Variants in TEAD1 observed in about 807,000 individuals in gnomAD.
TEAD1 encodes transcriptional enhancer factor TEF-1.
In TEAD1, 9 loss-of-function variants were observed where a neutral mutation model predicts 54.9. That is an observed-to-expected ratio of 0.16 (90% CI 0.10 to 0.29). The LOEUF (loss-of-function observed/expected upper bound fraction) is 0.29. TEAD1 is among the 10% of genes least tolerant of loss of function. The pLI is 1.00. For synonymous variants in TEAD1, 200 were observed against 187.8 expected, an observed-to-expected ratio of 1.07 and a Z score of -0.53; for missense variants, 387 against 535.9, an observed-to-expected ratio of 0.72 and a Z score of 2.74.
chr11:12,805,957 G>A (rs957537113), intron 3 of TEAD1, among the ~76,000 whole-genome samples: 1 of 152,136 alleles, frequency 6.6e-6, no homozygotes, highest in Non-Finnish European at 1.5e-5. Flanking sequence ...GTTTATCGGT[G>A]TTGGGGGTCT....
chr11:12,830,551 C>T (rs1241162572), intron 3 of TEAD1, among the ~76,000 whole-genome samples: 1 of 152,092 alleles, frequency 6.6e-6, no homozygotes, highest in Non-Finnish European at 1.5e-5. Context: ...CTGCAGCCTC[C>T]CCACACGACA....
rs181877465 is a variant in TEAD1, at chr11:12,931,812, C to A, written c.1167+1486C>A. Among the ~76,000 whole-genome samples the A allele has an allele frequency of 2.6e-5, 4 of 152,160 alleles. No individual in the cohort carries two copies. In the East Asian group the frequency reaches 5.8e-4, roughly 22 times the overall value. ...ATAAGTAACATTTAAAAATAAAAAC[C>A]CTGTGCATATTAGATTCATCCAGGA... On this transcript the variant is annotated intron_variant, in intron 12 of 12. Coordinates refer to ENST00000527636, the MANE Select transcript of TEAD1 (RefSeq NM_021961.6).
chr11:12,919,830 A>C (rs1198365022), intron 10 of TEAD1, among the ~76,000 whole-genome samples: 3 of 152,136 alleles, frequency 2.0e-5, no homozygotes, highest in Non-Finnish European at 4.4e-5. Context: ...CATATGTTGA[A>C]TTTTTATTTT....
intron 2 of TEAD1, among the ~76,000 whole-genome samples, chr11:12,745,241 A>T (rs139439324): frequency 6.6e-6 from 1 of 152,362 alleles, no homozygotes; most frequent in African/African-American, 2.4e-5. Flanking sequence ...AGCAGTGTCA[A>T]TGCTGGTTGA....
chr11:12,790,732 A>C (rs1945782546), intron 3 of TEAD1, among the ~76,000 whole-genome samples: 1 of 152,222 alleles, frequency 6.6e-6, no homozygotes, highest in Admixed American at 6.5e-5. Flanking sequence ...CTGTATAAAG[A>C]AGGTGTATAA....
At chr11:12,885,439 G>T (rs558885789) in intron 9 of TEAD1, among the ~76,000 whole-genome samples, 1 of 151,902 alleles carries the variant, frequency 6.6e-6, no homozygotes, top group Non-Finnish European at 1.5e-5. Flanking sequence ...GGGTTTCACC[G>T]TGTTAGCCAG....
intron 9 of TEAD1, among the ~76,000 whole-genome samples, chr11:12,894,878 C>T (rs1001726244): frequency 6.6e-6 from 1 of 152,154 alleles, no homozygotes; most frequent in African/African-American, 2.4e-5. Flanking sequence ...GTTTTCCTTG[C>T]ATTATCTCAT....
chr11:12,934,505 A>G (rs980601000), intron 12 of TEAD1, among the ~76,000 whole-genome samples: 6 of 152,084 alleles, frequency 3.9e-5, no homozygotes, highest in Non-Finnish European at 8.8e-5. Flanking sequence ...ACAAACCTGC[A>G]CGTTGTGCAC....
At chr11:12,683,689 C>T (rs753953325) in intron 2 of TEAD1, among the ~76,000 whole-genome samples, 5 of 152,066 alleles carry the variant, frequency 3.3e-5, no homozygotes, top group South Asian at 2.1e-4. Context: ...ACTTAACCCT[C>T]GCATATCGAT....
rs1302983552 is a variant in TEAD1, at chr11:12,732,370, AT to A, written c.-54-31805del. Among the ~76,000 whole-genome samples, 18 of 152,262 alleles carry A rather than the reference AT, an allele frequency of 1.2e-4. No individual in the cohort carries two copies. In the East Asian group the frequency reaches 2.5e-3, roughly 21 times the overall value. On this transcript the variant is annotated intron_variant, in intron 2 of 12. Transcript: ENST00000527636. ...TCCTTAAAAACTAGTTCCTACTTCC[AT>A]TTTGTCACATGTGACATAGCGGATA...
intron 3 of TEAD1, among the ~76,000 whole-genome samples, chr11:12,798,218 C>A (rs1254762792): frequency 6.6e-6 from 1 of 152,166 alleles, no homozygotes; most frequent in Non-Finnish European, 1.5e-5. Flanking sequence ...GTGTACCCAT[C>A]CTCTAGACAG....
intron 11 of TEAD1, among the ~76,000 whole-genome samples, chr11:12,929,434 GT>G (rs34661541): frequency 0.81 from 118,663 of 147,214 alleles, 47,802 homozygotes; most frequent in East Asian, 0.97. Flanking sequence ...TGTGGTTTGG[GT>G]TTTTTTTTTT....
chr11:12,885,823 A>G (rs535490952), intron 9 of TEAD1, among the ~76,000 whole-genome samples: 2 of 152,336 alleles, frequency 1.3e-5, no homozygotes, highest in Non-Finnish European at 2.9e-5. Flanking sequence ...TGTTGGGCTA[A>G]ACATTTTGAA....
intron 3 of TEAD1, among the ~76,000 whole-genome samples, chr11:12,800,780 C>CA (rs1358097622): frequency 5.3e-5 from 8 of 152,228 alleles, no homozygotes; most frequent in African/African-American, 1.9e-4. Flanking sequence ...CCTTTCCTCC[C>CA]TTCTCTGCCC....
chr11:12,941,840 T>G lies in TEAD1; in HGVS notation c.*4618T>G, dbSNP rs940777533. The G allele has an allele frequency of 6.6e-6, 1 of 152,606 alleles. No homozygotes were observed. The highest frequency in any genetic ancestry group is 1.5e-5 in the Non-Finnish European group (1 of 68,026). 9.5% of individuals were successfully genotyped at this position (152,606 alleles called of 1,614,324 possible). A position where few individuals can be genotyped will look rare whatever the true frequency, so the allele number is the denominator to read the frequency against. Reference sequence around the variant, plus strand: ...TACTACTGTTACTTTTGTAGGAAGTTTTCAATTCAGAGCTGCCAAAGTGTT... The same window carrying G: ...TACTACTGTTACTTTTGTAGGAAGTGTTCAATTCAGAGCTGCCAAAGTGTT... On this transcript the variant is annotated 3_prime_UTR_variant, in exon 13 of 13. Coordinates refer to ENST00000527636, the MANE Select transcript of TEAD1 (RefSeq NM_021961.6).
At chr11:12,690,482 C>T (rs184619430) in intron 2 of TEAD1, among the ~76,000 whole-genome samples, 86 of 152,234 alleles carry the variant, frequency 5.6e-4, no homozygotes, top group Admixed American at 2.0e-3. Context: ...TAGACTGCCT[C>T]GTTCTGGATT....
chr11:12,720,071 C>G lies in TEAD1; in HGVS notation c.-54-44108C>G, dbSNP rs139897519. The stretch of plus-strand genomic sequence containing the variant: ...GCTGAGGTGGAGCTCTGGCCTTGGT[C>G]TCTCCTGGTAGTGAGGGGCATCTCT... On this transcript the variant is annotated intron_variant, in intron 2 of 12. Transcript: ENST00000527636. Among the ~76,000 whole-genome samples, 669 of 138,844 alleles carry G rather than the reference C, an allele frequency of 4.8e-3. 10 individuals carry two copies. The highest frequency in any genetic ancestry group is 0.017 in the African/African-American group (635 of 38,458). The allele number at this position is 138,844 out of a possible 152,430, so 91.1% of individuals were successfully genotyped here.
At chr11:12,823,640 A>G (rs1946595400) in intron 3 of TEAD1, 1 of 152,254 alleles carries the variant, frequency 6.6e-6, no homozygotes, top group Admixed American at 6.5e-5. Flanking sequence ...CCTTCAGATC[A>G]TTCTGATAAT....
intron 3 of TEAD1, among the ~76,000 whole-genome samples, chr11:12,826,535 A>G (rs1428249239): frequency 6.6e-6 from 1 of 152,204 alleles, no homozygotes; most frequent in African/African-American, 2.4e-5. Flanking sequence ...GAGTAATATA[A>G]CAATCACGGT....
Sources: allele counts gnomAD v4.1 joint callset (sites outside exome capture counted in the v4.1 genomes callset), GRCh38; gene constraint gnomAD v4.1.1; transcripts MANE v1.5; gene names NCBI Gene and HGNC (gene_info 2026-07-23, HGNC 2026-07-21).